Variants in GGA2 observed in about 807,000 individuals in gnomAD.
GGA2 encodes the protein ADP-ribosylation factor-binding protein GGA2.
A neutral mutation model predicts 79.5 loss-of-function variants in GGA2; 48 were observed. The ratio of observed to expected loss-of-function variants is 0.60; its 90% CI spans 0.48 to 0.77. GGA2 has a LOEUF of 0.77. Among genes scored for constraint, GGA2 ranks in the 30% least tolerant of loss-of-function variants. The pLI is 0.00. For missense variants in GGA2, 770 were observed against 774.0 expected (o/e 0.99, Z 0.06); for synonymous variants, 317 against 302.0 (o/e 1.05, Z -0.51).
Position 23,488,457 on chromosome 16 carries a change from C to T in GGA2, c.579+149G>A, listed in dbSNP as rs1314250157. On this transcript the variant is annotated intron_variant, in intron 6 of 16. Transcript: ENST00000309859. ...CTTATCCATGAAGAACGCACCCAAA[C>T]CTTCTGCTACCTCACTCCTAAGGGC... 3 of 661,346 alleles carry T rather than the reference C, an allele frequency of 4.5e-6. No individual in the cohort carries two copies. In the African/African-American group the frequency reaches 5.5e-5, roughly 12 times the overall value. The allele number at this position is 661,346 out of a possible 1,614,324, so 41.0% of individuals were successfully genotyped here.
chr16:23,472,467 G>C (rs1964523598), intron 14 of GGA2, among the ~76,000 whole-genome samples: 1 of 151,546 alleles, frequency 6.6e-6, no homozygotes, highest in South Asian at 2.1e-4. Context: ...CAACGTGCTG[G>C]GATTACAGGC....
intron 3 of GGA2, 63 bp from the exon 4 acceptor site, chr16:23,493,521 G>A (rs555213773): frequency 2.8e-6 from 3 of 1,056,164 alleles, no homozygotes; most frequent in African/African-American, 3.1e-5. Flanking sequence ...TCCCCTCCAG[G>A]CTGGTAATCA....
At chr16:23,468,822 A>C in intron 16 of GGA2, 64 bp downstream of exon 16, 2 of 907,450 alleles carry the variant, frequency 2.2e-6, no homozygotes, top group Non-Finnish European at 3.7e-6. Context: ...TCTACCCACA[A>C]AGTTACCTCC....
At position 23,504,282 on chromosome 16, in the gene GGA2, C is replaced by T. The variant is rs181348363; in HGVS notation, c.91+6039G>A. On this transcript the variant is annotated intron_variant, in intron 1 of 16. Transcript: ENST00000309859. ...CTGGATGTGTTTCTAACCACTCTTG[C>T]GGTGAGGTCTTCAGTTCCTTGACAA... Among the ~76,000 whole-genome samples the T allele has an allele frequency of 1.8e-3, 278 of 152,300 alleles. 3 individuals carry two copies. The highest frequency in any genetic ancestry group is 6.6e-3 in the African/African-American group (274 of 41,562).
intron 3 of GGA2, chr16:23,494,017 G>A: frequency 2.2e-6 from 1 of 454,564 alleles, no homozygotes; most frequent in South Asian, 2.8e-5. Context: ...TCTAGAAAAG[G>A]CACATGAACT....
chr16:23,477,110 C>A (rs537821200), intron 13 of GGA2, among the ~76,000 whole-genome samples: 41 of 152,260 alleles, frequency 2.7e-4, no homozygotes, highest in African/African-American at 9.4e-4. Flanking sequence ...ACCTACCACG[C>A]CTGGCTAATT....
At chr16:23,473,606 G>T (rs998903594) in intron 14 of GGA2, among the ~76,000 whole-genome samples, 4 of 151,960 alleles carry the variant, frequency 2.6e-5, no homozygotes, top group Non-Finnish European at 4.4e-5. Flanking sequence ...GGGATTACAG[G>T]CATGAGCCAC....
chr16:23,503,579 G>C (rs1393029504), intron 1 of GGA2, among the ~76,000 whole-genome samples: 1 of 152,124 alleles, frequency 6.6e-6, no homozygotes, highest in Non-Finnish European at 1.5e-5. Flanking sequence ...ATGTACTTAC[G>C]ATGAGTTTAT....
upstream of GGA2, chr16:23,510,585 T>C: frequency 2.6e-6 from 1 of 386,960 alleles, no homozygotes. Context: ...GCCGGAACAT[T>C]TCTTAGTCCA....
chr16:23,491,396 A>G (rs961291935), intron 5 of GGA2, among the ~76,000 whole-genome samples: 1 of 151,560 alleles, frequency 6.6e-6, no homozygotes, highest in African/African-American at 2.4e-5. Context: ...TGACATAGGT[A>G]GCTTGTATTT....
Position 23,478,454 on chromosome 16 carries a change from G to A in GGA2, c.1206C>T (p.Ser402=). 2.5e-6 allele frequency: 4 copies of A among 1,611,070 alleles called. No individual in the cohort carries two copies. Among genetic ancestry groups the A allele is most frequent in the South Asian group, 1.1e-5 (1 of 90,808 alleles). ...CCEEKRNPSS[S]TLPGGGVQNP... ...TCTGAACACCACCGCCTGGCAGCGTGCTGGAGGAGGGATTCCTCTTTTCCT... is the reference window on the plus strand; with the variant it reads ...TCTGAACACCACCGCCTGGCAGCGTACTGGAGGAGGGATTCCTCTTTTCCT... The change falls in exon 13 of 17, where the codon AGC becomes AGT. Residue 402 remains serine, a synonymous_variant. Transcript: ENST00000309859.
intron 1 of GGA2, among the ~76,000 whole-genome samples, chr16:23,503,105 C>T (rs1248569109): frequency 6.6e-6 from 1 of 152,176 alleles, no homozygotes; most frequent in Non-Finnish European, 1.5e-5. Context: ...TGGGAGTTAC[C>T]TTTCCTTTCC....
At chr16:23,495,662 G>C (rs748217530) in intron 2 of GGA2, 32 bp downstream of exon 2, 1 of 1,274,762 alleles carries the variant, frequency 7.8e-7, no homozygotes, top group Non-Finnish European at 1.1e-6. Context: ...GGTGCCCCCA[G>C]AGTCAACTAT....
At chr16:23,493,675 AG>A in intron 3 of GGA2, 1 of 528,572 alleles carries the variant, frequency 1.9e-6, no homozygotes, top group Non-Finnish European at 3.4e-6. Flanking sequence ...GTTTATGCCC[AG>A]GAAATAGCTT....
At chr16:23,501,511 G>GT (rs1964921600) in intron 1 of GGA2, 1 of 366,208 alleles carries the variant, frequency 2.7e-6, no homozygotes, top group African/African-American at 2.1e-5. Context: ...ACCGTGACCT[G>GT]TATTTTCTAT....
At chr16:23,477,159 C>A (rs921459392) in intron 13 of GGA2, among the ~76,000 whole-genome samples, 1 of 152,114 alleles carries the variant, frequency 6.6e-6, no homozygotes, top group African/African-American at 2.4e-5. Context: ...GCCATATCTC[C>A]CAGGCTGGTC....
chr16:23,488,638 A>C lies in GGA2; in HGVS notation c.547T>G (p.Ser183Ala). The C allele has an allele frequency of 6.2e-7, 1 of 1,608,470 alleles. No homozygotes were observed. Among genetic ancestry groups the C allele is most frequent in the Non-Finnish European group, 8.5e-7 (1 of 1,174,864 alleles). The change falls in exon 6 of 17, where the codon TCC becomes GCC. Residue 183 changes from serine (S) to alanine (A), a missense_variant. Coordinates refer to ENST00000309859, the MANE Select transcript of GGA2 (RefSeq NM_015044.4). Reference sequence around the variant, plus strand: ...TTTTCTTCATCAGCATCAAAGATGGAGCTCTTGGGCCAGGGAGATGGTGGG... The same window carrying C: ...TTTTCTTCATCAGCATCAAAGATGGCGCTCTTGGGCCAGGGAGATGGTGGG... ...LPPPSPWPKS[S>A]IFDADEEKSK... is the part of the protein sequence containing the mutation.
intron 1 of GGA2, among the ~76,000 whole-genome samples, chr16:23,497,661 C>T (rs1212551807): frequency 6.6e-6 from 1 of 152,216 alleles, no homozygotes; most frequent in Non-Finnish European, 1.5e-5. Context: ...AGTCCCAAGT[C>T]ACATTCCACC....
chr16:23,470,056 G>A lies in GGA2; in HGVS notation c.1560C>T (p.Thr520=), dbSNP rs1202622668. 1 of 1,607,738 alleles carries A rather than the reference G, an allele frequency of 6.2e-7. No homozygotes were observed. The highest frequency in any genetic ancestry group is 2.2e-5 in the East Asian group (1 of 44,572). Residue 520 remains threonine (T), a synonymous_variant, in exon 15 of 17, where the codon ACC becomes ACT. Transcript: ENST00000309859. ...CAGGCTGGGGAGCCGTGCTCATCAT[G>A]GTCAAGAGCAGCACCTGTACCTCTG... The part of the protein sequence containing the change: ...GHPEVQVLLL[T]MMSTAPQPVW...
Sources: allele counts gnomAD v4.1 joint callset (sites outside exome capture counted in the v4.1 genomes callset), GRCh38; gene constraint gnomAD v4.1.1; transcripts MANE v1.5; gene names NCBI Gene and HGNC (gene_info 2026-07-23, HGNC 2026-07-21).